Variants in MSR1 observed in about 807,000 individuals in gnomAD.
MSR1 encodes the protein macrophage scavenger receptor types I and II.
A neutral mutation model predicts 47.2 loss-of-function variants in MSR1; 53 were observed. That is an observed-to-expected ratio of 1.12 (90% CI 0.90 to 1.41). The LOEUF (loss-of-function observed/expected upper bound fraction) is 1.41, where lower values mean the gene tolerates loss of function less well. MSR1 is among the 40% of genes most tolerant of loss of function. The probability of loss-of-function intolerance (pLI) is 0.00; values close to 1 mark genes in which losing one functional copy is unlikely to be tolerated. For missense variants in MSR1, 786 were observed against 546.9 expected (o/e 1.44, Z -4.36); for synonymous variants, 239 against 185.6 (o/e 1.29, Z -2.34).
chr8:16,186,132 G>C, intron 1 of MSR1: 1 of 1,515,720 alleles, frequency 6.6e-7, no homozygotes, highest in South Asian at 1.2e-5. Context: ...GTCCCTGAGT[G>C]CATAAATGAA....
chr8:16,128,105 T>G (rs1239549877), intron 8 of MSR1, among the ~76,000 whole-genome samples: 1 of 152,282 alleles, frequency 6.6e-6, no homozygotes, highest in Non-Finnish European at 1.5e-5. Flanking sequence ...TTACTTATGG[T>G]GCAATTTAGG....
intron 2 of MSR1, among the ~76,000 whole-genome samples, chr8:16,176,177 T>C (rs747042662): frequency 2.6e-5 from 4 of 152,134 alleles, no homozygotes; most frequent in Non-Finnish European, 5.9e-5. Flanking sequence ...TTTTAAGGTA[T>C]TGAAAAGAAA....
intron 8 of MSR1, 38 bp downstream of exon 8, chr8:16,143,520 C>G (rs537755143): frequency 6.3e-7 from 1 of 1,579,074 alleles, no homozygotes. Context: ...TTACTTATTA[C>G]AAGAATTCAC....
At chr8:16,126,406 A>G (rs1800129530) in intron 8 of MSR1, among the ~76,000 whole-genome samples, 1 of 152,192 alleles carries the variant, frequency 6.6e-6, no homozygotes, top group Admixed American at 6.5e-5. Context: ...ATTAGGATTT[A>G]GGGTTAAATT....
chr8:16,130,221 G>T (rs1047974988), intron 8 of MSR1, among the ~76,000 whole-genome samples: 6 of 152,018 alleles, frequency 3.9e-5, no homozygotes, highest in African/African-American at 1.4e-4. Flanking sequence ...CTGTTTTATT[G>T]GTCTTCACTT....
rs185515089 is a variant in MSR1 at position 16,129,631 on chromosome 8, C to T, written c.1034-9025G>A. 2.3e-3 allele frequency among the ~76,000 whole-genome samples: 357 copies of T among 152,116 alleles called. 3 individuals are homozygous for T. The highest frequency in any genetic ancestry group is 3.5e-3 in the Non-Finnish European group (235 of 67,968). The stretch of plus-strand genomic sequence containing the variant: ...AGTGTGGTGACCTGTGCCTGTAGTT[C>T]CAGCTACCTGGGAGGCTGAGGTGGG... On this transcript the variant is annotated intron_variant, in intron 8 of 9. Transcript: ENST00000262101.
intron 8 of MSR1, among the ~76,000 whole-genome samples, chr8:16,126,629 T>A (rs548522551): frequency 2.6e-5 from 4 of 152,228 alleles, no homozygotes; most frequent in African/African-American, 9.6e-5. Flanking sequence ...TGAGTTAAAT[T>A]TCTCTAGAAA....
At chr8:16,163,909 T>C (rs1481825158) in intron 5 of MSR1, among the ~76,000 whole-genome samples, 156 bp downstream of exon 5, 1 of 151,958 alleles carries the variant, frequency 6.6e-6, no homozygotes, top group Non-Finnish European at 1.5e-5. Flanking sequence ...CCTGTCTTTA[T>C]CTGATTTTCA....
intron 9 of MSR1, among the ~76,000 whole-genome samples, chr8:16,120,163 G>T (rs1379275663): frequency 6.6e-6 from 1 of 151,906 alleles, no homozygotes; most frequent in Non-Finnish European, 1.5e-5. Flanking sequence ...AGATCACGAG[G>T]TCAGGAGATC....
chr8:16,141,767 G>C (rs1387405516), intron 8 of MSR1, among the ~76,000 whole-genome samples: 1 of 151,968 alleles, frequency 6.6e-6, no homozygotes, highest in East Asian at 1.9e-4. Context: ...AATGTTCAAA[G>C]CATTTGATAA....
At chr8:16,144,207 A>C (rs1329794910) in intron 7 of MSR1, among the ~76,000 whole-genome samples, 1 of 152,072 alleles carries the variant, frequency 6.6e-6, no homozygotes, top group East Asian at 1.9e-4. Flanking sequence ...CAGGGCTTCA[A>C]ATGGATGCAG....
Position 16,149,280 on chromosome 8 carries a change from G to A in MSR1, c.979+951C>T, listed in dbSNP as rs188459717. On this transcript the variant is annotated intron_variant, in intron 7 of 9. Transcript: ENST00000262101. ...AGAGGAGACCATGTGTGCATGGGTGGTTTATGGGAACTCTCTATGCTTTCT... is the reference window on the plus strand; with the variant it reads ...AGAGGAGACCATGTGTGCATGGGTGATTTATGGGAACTCTCTATGCTTTCT... 6.2e-4 allele frequency among the ~76,000 whole-genome samples: 95 copies of A among 152,176 alleles called. 2 individuals carry two copies. The highest frequency in any genetic ancestry group is 4.6e-3 in the Admixed American group (70 of 15,262).
intron 7 of MSR1, 112 bp downstream of exon 7, chr8:16,150,119 T>A: frequency 5.2e-6 from 1 of 193,992 alleles, no homozygotes; most frequent in Non-Finnish European, 9.2e-6. Flanking sequence ...TAACATTATG[T>A]GTGTGTGTAT....
intron 1 of MSR1, among the ~76,000 whole-genome samples, chr8:16,186,442 A>G (rs1302443665): frequency 2.6e-5 from 4 of 152,026 alleles, no homozygotes; most frequent in African/African-American, 9.7e-5. Flanking sequence ...CTGCCTAACA[A>G]CACCCCTGCT....
At chr8:16,139,089 C>T (rs1029604318) in intron 8 of MSR1, among the ~76,000 whole-genome samples, 6 of 152,134 alleles carry the variant, frequency 3.9e-5, no homozygotes, top group African/African-American at 7.2e-5. Context: ...CTCTTCTGCT[C>T]GACTCAGACA....
At position 16,147,966 on chromosome 8, in the gene MSR1, T is replaced by G. The variant is rs148454053; in HGVS notation, c.979+2265A>C. ...GATGCAAGCCCAATCCCAGACCTAC[T>G]GCATCAGAAACTCTGGGGTGGAGTC... On this transcript the variant is annotated intron_variant, in intron 7 of 9. Coordinates refer to ENST00000262101, the MANE Select transcript of MSR1 (RefSeq NM_138715.3). 7.3e-3 allele frequency among the ~76,000 whole-genome samples: 1,110 copies of G among 152,270 alleles called. 20 individuals carry two copies. The highest frequency in any genetic ancestry group is 0.025 in the African/African-American group (1,051 of 41,560).
intron 6 of MSR1, among the ~76,000 whole-genome samples, chr8:16,153,861 T>C (rs1800927177): frequency 6.6e-6 from 1 of 151,972 alleles, no homozygotes; most frequent in African/African-American, 2.4e-5. Context: ...AATGCAGCAT[T>C]GTTAATATCT....
chr8:16,156,848 T>A (rs1339398566), intron 5 of MSR1, among the ~76,000 whole-genome samples: 3 of 151,932 alleles, frequency 2.0e-5, no homozygotes, highest in Non-Finnish European at 4.4e-5. Flanking sequence ...GATTTCTGTA[T>A]CAAAGGGAAT....
intron 1 of MSR1, among the ~76,000 whole-genome samples, chr8:16,189,866 C>G (rs924484001): frequency 6.9e-6 from 1 of 145,488 alleles, no homozygotes; most frequent in Non-Finnish European, 1.5e-5. Flanking sequence ...TTTCCTTTTC[C>G]CAGGGGGCAA....
Sources: gnomAD v4.1 joint callset for allele counts (sites outside exome capture counted in the v4.1 genomes callset) on GRCh38, gnomAD v4.1.1 for gene constraint, MANE v1.5 for transcripts, NCBI Gene and HGNC (gene_info 2026-07-23, HGNC 2026-07-21) for gene names.